The following MSRA variants were observed in gnomAD, a reference collection of about 807,000 sequenced individuals.
The protein encoded by MSRA is mitochondrial peptide methionine sulfoxide reductase.
A neutral mutation model predicts 31.3 loss-of-function variants in MSRA; 54 were observed. The observed-to-expected ratio is 1.73, with a 90% CI of 1.39 to 2.17. MSRA has a LOEUF of 2.17. Among genes scored for constraint, MSRA ranks in the 30% most tolerant of loss-of-function variants. MSRA has a pLI of 0.00. For missense variants in MSRA, 507 were observed against 300.9 expected, an observed-to-expected ratio of 1.69 and a Z score of -5.07; for synonymous variants, 169 against 116.5, an observed-to-expected ratio of 1.45 and a Z score of -2.90.
intron 5 of MSRA, among the ~76,000 whole-genome samples, chr8:10,423,601 C>A (rs1013801733): frequency 6.6e-6 from 1 of 152,192 alleles, no homozygotes. Flanking sequence ...CACCACCCCA[C>A]TCTCCCTGCA....
intron 5 of MSRA, among the ~76,000 whole-genome samples, chr8:10,325,077 G>A (rs1802283690): frequency 6.6e-6 from 1 of 152,198 alleles, no homozygotes; most frequent in Non-Finnish European, 1.5e-5. Flanking sequence ...GGCAGATGGG[G>A]CCACAGGGAT....
intron 5 of MSRA, among the ~76,000 whole-genome samples, chr8:10,377,512 C>T (rs768123859): frequency 6.6e-6 from 1 of 152,090 alleles, no homozygotes; most frequent in Non-Finnish European, 1.5e-5. Context: ...ATGGGAGAGC[C>T]GGGGGCATCT....
intron 1 of MSRA, among the ~76,000 whole-genome samples, chr8:10,148,527 A>T (rs534092974): frequency 6.6e-6 from 1 of 152,078 alleles, no homozygotes; most frequent in South Asian, 2.1e-4. Context: ...CACATCTGCA[A>T]TTCCAGCCGC....
chr8:10,195,970 G>T (rs1019452042), intron 1 of MSRA, among the ~76,000 whole-genome samples: 2 of 152,318 alleles, frequency 1.3e-5, no homozygotes, highest in South Asian at 4.1e-4. Flanking sequence ...TGTTGGTCTG[G>T]AACAGATTGG....
At chr8:10,253,845 GTTTC>G (rs1209279561) in intron 3 of MSRA, among the ~76,000 whole-genome samples, 79 of 152,138 alleles carry the variant, frequency 5.2e-4, no homozygotes, top group African/African-American at 1.8e-3. Context: ...TAGAATAAAG[GTTTC>G]TTTTTTTTTT....
chr8:10,152,934 G>A (rs749214712), intron 1 of MSRA, among the ~76,000 whole-genome samples: 1 of 152,164 alleles, frequency 6.6e-6, no homozygotes, highest in African/African-American at 2.4e-5. Context: ...TAATTCCACT[G>A]AGTCGAGGTT....
chr8:10,293,564 G>C (rs986646798), intron 3 of MSRA, among the ~76,000 whole-genome samples: 3 of 152,204 alleles, frequency 2.0e-5, no homozygotes, highest in African/African-American at 7.2e-5. Flanking sequence ...TTTTGGACGA[G>C]CACTGTGTTT....
chr8:10,362,067 G>A (rs1174365281), intron 5 of MSRA, among the ~76,000 whole-genome samples: 1 of 152,096 alleles, frequency 6.6e-6, no homozygotes, highest in Non-Finnish European at 1.5e-5. Flanking sequence ...GAGAGACCCG[G>A]GTTCCCATTC....
At chr8:10,100,598 T>G (rs1799469446) in intron 1 of MSRA, among the ~76,000 whole-genome samples, 1 of 152,074 alleles carries the variant, frequency 6.6e-6, no homozygotes, top group African/African-American at 2.4e-5. Flanking sequence ...AGTAGAAATT[T>G]AGATCAAGTG....
chr8:10,154,194 A>T (rs573520178), intron 1 of MSRA, among the ~76,000 whole-genome samples: 2 of 152,336 alleles, frequency 1.3e-5, no homozygotes, highest in South Asian at 4.1e-4. Context: ...GCAGTCACTG[A>T]ATCTGTGTGG....
chr8:10,141,663 G>T (rs961976574), intron 1 of MSRA, among the ~76,000 whole-genome samples: 1 of 151,624 alleles, frequency 6.6e-6, no homozygotes, highest in African/African-American at 2.4e-5. Flanking sequence ...ACCTCTGAAA[G>T]ATACACAGAT....
chr8:10,256,610 G>A (rs1585290568), intron 3 of MSRA, among the ~76,000 whole-genome samples: 1 of 152,190 alleles, frequency 6.6e-6, no homozygotes, highest in Non-Finnish European at 1.5e-5. Context: ...TTTCTTTTCT[G>A]AGCCACATAA....
At chr8:10,246,406 A>G (rs1351128181) in intron 3 of MSRA, among the ~76,000 whole-genome samples, 1 of 152,218 alleles carries the variant, frequency 6.6e-6, no homozygotes, top group East Asian at 1.9e-4. Context: ...AGCATTTGAA[A>G]TGTTTTTCTA....
At chr8:10,299,585 G>C (rs1032105773) in intron 3 of MSRA, among the ~76,000 whole-genome samples, 3 of 151,916 alleles carry the variant, frequency 2.0e-5, no homozygotes, top group Non-Finnish European at 4.4e-5. Flanking sequence ...TAATAACCCA[G>C]TATAAAAGGA....
intron 1 of MSRA, among the ~76,000 whole-genome samples, chr8:10,098,086 C>A (rs1463444452): frequency 6.6e-6 from 1 of 152,040 alleles, no homozygotes; most frequent in African/African-American, 2.4e-5. Flanking sequence ...TTTAAAAAGA[C>A]ATTTAGTTGT....
At chr8:10,194,868 C>T (rs934360389) in intron 1 of MSRA, among the ~76,000 whole-genome samples, 1 of 152,192 alleles carries the variant, frequency 6.6e-6, no homozygotes, top group East Asian at 1.9e-4. Context: ...CAGGTGTTCA[C>T]TGGGGGAGCA....
At chr8:10,386,429 A>G (rs2129177074) in intron 5 of MSRA, among the ~76,000 whole-genome samples, 1 of 152,340 alleles carries the variant, frequency 6.6e-6, no homozygotes, top group South Asian at 2.1e-4. Flanking sequence ...TTTTTATATG[A>G]TGATGTTCAC....
chr8:10,240,111 G>T (rs913374005), intron 2 of MSRA, among the ~76,000 whole-genome samples: 12 of 152,196 alleles, frequency 7.9e-5, no homozygotes, highest in African/African-American at 2.9e-4. Context: ...GACCCTGAAG[G>T]CAGGAAAGTC....
intron 1 of MSRA, among the ~76,000 whole-genome samples, chr8:10,092,706 T>C (rs901761623): frequency 1.3e-5 from 2 of 152,132 alleles, no homozygotes; most frequent in African/African-American, 4.8e-5. Context: ...TGGTACTAGT[T>C]GATTTATAGT....
Sources: allele counts gnomAD v4.1 joint callset (sites outside exome capture counted in the v4.1 genomes callset), GRCh38; gene constraint gnomAD v4.1.1; transcripts MANE v1.5; gene names NCBI Gene and HGNC (gene_info 2026-07-23, HGNC 2026-07-21).